CACNA2D1: variants seen among roughly 807,000 people sequenced by gnomAD.
The protein encoded by CACNA2D1 is calcium voltage-gated channel auxiliary subunit alpha2delta 1, also known as voltage-dependent calcium channel subunit alpha-2/delta-1.
In CACNA2D1, 53 loss-of-function variants were observed where a neutral mutation model predicts 171.5. The ratio of observed to expected loss-of-function variants is 0.31; its 90% CI spans 0.25 to 0.39. CACNA2D1 has a LOEUF of 0.39. Among genes scored for constraint, CACNA2D1 ranks in the 10% least tolerant of loss-of-function variants. CACNA2D1 has a pLI of 1.00. For missense variants in CACNA2D1, 903 were observed against 1,299.8 expected, an observed-to-expected ratio of 0.69 and a Z score of 4.69; for synonymous variants, 442 against 443.1, an observed-to-expected ratio of 1.00 and a Z score of 0.03.
chr7:82,284,041 T>C (rs1810455610), intron 3 of CACNA2D1, among the ~76,000 whole-genome samples: 2 of 151,552 alleles, frequency 1.3e-5, no homozygotes, highest in South Asian at 2.1e-4. Flanking sequence ...ATATAGAAAC[T>C]ACAAAGAACT....
At chr7:82,330,205 A>C (rs1817148968) in intron 3 of CACNA2D1, among the ~76,000 whole-genome samples, 4 of 152,158 alleles carry the variant, frequency 2.6e-5, no homozygotes, top group South Asian at 4.1e-4. Context: ...GTGTAAAATA[A>C]AGTTGCAATA....
intron 7 of CACNA2D1, among the ~76,000 whole-genome samples, chr7:82,078,330 A>G (rs181984021): frequency 2.6e-5 from 4 of 152,268 alleles, no homozygotes; most frequent in Admixed American, 2.0e-4. Flanking sequence ...TGGCATTTCA[A>G]TGAACCACTG....
rs866050338 is a variant in CACNA2D1, at chr7:82,184,083, T to A, written c.295-13474A>T. Among the ~76,000 whole-genome samples, 105 of 144,222 alleles carry A rather than the reference T, an allele frequency of 7.3e-4. No individual in the cohort carries two copies. In the Middle Eastern group the frequency reaches 0.014, roughly 20 times the overall value. The allele number at this position is 144,222 out of a possible 152,430, so 94.6% of individuals were successfully genotyped here. A position where few individuals can be genotyped will look rare whatever the true frequency, so the allele number is the denominator to read the frequency against. On this transcript the variant is annotated intron_variant, in intron 3 of 38. Coordinates refer to ENST00000356860, the MANE Select transcript of CACNA2D1 (RefSeq NM_000722.4). ...GCCAATTCAGTGAGTAGGATGGTTT[T>A]AAAAAAAAAAAAATGAAAAGTGTGA...
At chr7:82,098,370 G>A (rs571156760) in intron 6 of CACNA2D1, among the ~76,000 whole-genome samples, 12 of 152,148 alleles carry the variant, frequency 7.9e-5, no homozygotes, top group Non-Finnish European at 1.6e-4. Context: ...ACTCTATCAA[G>A]AAGAGATAAT....
Position 82,120,651 on chromosome 7 carries a change from T to C in CACNA2D1, c.397-3478A>G, listed in dbSNP as rs151109501. On this transcript the variant is annotated intron_variant, in intron 5 of 38. Coordinates refer to ENST00000356860, the MANE Select transcript of CACNA2D1 (RefSeq NM_000722.4). ...TGGCACTTTGGGAGGCCAAGGCAGG[T>C]GGATCACGAGGTCAGGAGTTTGAGA... Among the ~76,000 whole-genome samples, 1,227 of 152,084 alleles carry C rather than the reference T, an allele frequency of 8.1e-3. 13 individuals are homozygous for C. The highest frequency in any genetic ancestry group is 0.028 in the African/African-American group (1,167 of 41,496).
intron 1 of CACNA2D1, among the ~76,000 whole-genome samples, chr7:82,371,680 T>C (rs187314893): frequency 6.6e-6 from 1 of 152,234 alleles, no homozygotes; most frequent in Non-Finnish European, 1.5e-5. Flanking sequence ...ACTCAAGCGA[T>C]TCCCCTGCCT....
intron 4 of CACNA2D1, among the ~76,000 whole-genome samples, chr7:82,169,199 C>T (rs1352988497): frequency 6.6e-6 from 1 of 152,016 alleles, no homozygotes; most frequent in East Asian, 1.9e-4. Flanking sequence ...CCTCTTCATT[C>T]ACTAGATGAG....
chr7:82,029,924 C>T (rs1802456024), intron 12 of CACNA2D1: 1 of 151,692 alleles, frequency 6.6e-6, no homozygotes, highest in Non-Finnish European at 1.5e-5. Context: ...TCACAATTGC[C>T]TTGGCATTAA....
intron 24 of CACNA2D1, 77 bp from the exon 25 acceptor site, chr7:81,974,629 ATT>A (rs61006565): frequency 0.026 from 14,143 of 546,116 alleles, 2 homozygotes; most frequent in East Asian, 0.034. Context: ...TGAAAACACT[ATT>A]TTTTTTTTTT....
chr7:82,354,349 C>T (rs1040264851), intron 1 of CACNA2D1, among the ~76,000 whole-genome samples: 3 of 152,122 alleles, frequency 2.0e-5, no homozygotes, highest in Admixed American at 6.6e-5. Flanking sequence ...CTTTAAAAGG[C>T]TCCAGATATT....
intron 3 of CACNA2D1, among the ~76,000 whole-genome samples, chr7:82,261,380 C>G (rs900875804): frequency 6.6e-6 from 1 of 152,220 alleles, no homozygotes; most frequent in Non-Finnish European, 1.5e-5. Flanking sequence ...GATCTTATCT[C>G]CAAACTTCCC....
At chr7:81,989,142 G>T (rs1478496264) in intron 21 of CACNA2D1, among the ~76,000 whole-genome samples, 1 of 152,166 alleles carries the variant, frequency 6.6e-6, no homozygotes, top group African/African-American at 2.4e-5. Flanking sequence ...GAGGCAGATG[G>T]GTGCCAGTGT....
chr7:82,309,065 T>C (rs1379845764), intron 3 of CACNA2D1, among the ~76,000 whole-genome samples: 2 of 152,200 alleles, frequency 1.3e-5, no homozygotes, highest in Non-Finnish European at 2.9e-5. Flanking sequence ...TATGTGATAT[T>C]TCTAAGTGAA....
intron 27 of CACNA2D1, 55 bp downstream of exon 27, chr7:81,970,620 C>A (rs1485008456): frequency 4.8e-5 from 45 of 936,458 alleles, no homozygotes; most frequent in Non-Finnish European, 7.8e-5. Flanking sequence ...ATGTACAAAT[C>A]CTTGGCGCAG....
At chr7:82,174,042 C>CAAAAAAAAAA (rs71093365) in intron 3 of CACNA2D1, among the ~76,000 whole-genome samples, 3 of 45,644 alleles carry the variant, frequency 6.6e-5, no homozygotes, top group Non-Finnish European at 7.8e-5. Flanking sequence ...GACCCTGTCT[C>CAAAAAAAAAA]AAAAAAAAAA....
chr7:82,307,366 G>T (rs962700561), intron 3 of CACNA2D1, among the ~76,000 whole-genome samples: 1 of 151,284 alleles, frequency 6.6e-6, no homozygotes, highest in South Asian at 2.1e-4. Flanking sequence ...CATGTTGGCC[G>T]GGCTGGTTCT....
chr7:82,118,482 C>A (rs1204986820), intron 5 of CACNA2D1, among the ~76,000 whole-genome samples: 1 of 152,082 alleles, frequency 6.6e-6, no homozygotes, highest in Non-Finnish European at 1.5e-5. Context: ...GTATACATAG[C>A]AAGTGTTACC....
At chr7:82,282,996 T>C (rs1248709885) in intron 3 of CACNA2D1, among the ~76,000 whole-genome samples, 1 of 152,154 alleles carries the variant, frequency 6.6e-6, no homozygotes, top group Non-Finnish European at 1.5e-5. Context: ...TTTTCAAATA[T>C]TTTTAACTTT....
chr7:82,099,336 A>G (rs544599038), intron 6 of CACNA2D1, among the ~76,000 whole-genome samples: 9 of 152,088 alleles, frequency 5.9e-5, no homozygotes, highest in African/African-American at 1.7e-4. Context: ...TTAAAATTAA[A>G]AGCCAGTACA....
Sources: gnomAD v4.1 joint callset for allele counts (sites outside exome capture counted in the v4.1 genomes callset) on GRCh38, gnomAD v4.1.1 for gene constraint, MANE v1.5 for transcripts, NCBI Gene and HGNC (gene_info 2026-07-23, HGNC 2026-07-21) for gene names.